MTA2: variants seen among roughly 807,000 people sequenced by gnomAD.
MTA2 encodes the protein metastasis-associated protein MTA2.
A neutral mutation model predicts 87.1 loss-of-function variants in MTA2; 22 were observed. The observed-to-expected ratio is 0.25, with a 90% confidence interval of 0.18 to 0.36. The LOEUF (loss-of-function observed/expected upper bound fraction) is 0.36, where lower values mean the gene tolerates loss of function less well. Ranked by LOEUF, MTA2 falls within the 10% of genes least tolerant of loss-of-function variation. MTA2 has a pLI of 1.00. For synonymous variants in MTA2, 314 were observed against 310.1 expected, an observed-to-expected ratio of 1.01 and a Z score of -0.13; for missense variants, 542 against 853.2, an observed-to-expected ratio of 0.64 and a Z score of 4.54.
chr11:62,593,491 C>T lies in MTA2; in HGVS notation c.*384G>A, dbSNP rs60928821. 0.024 allele frequency: 3,888 copies of T among 158,760 alleles called. 176 individuals carry two copies. Among genetic ancestry groups the T allele is most frequent in the African/African-American group, 0.089 (3,646 of 40,854 alleles). The allele number at this position is 158,760 out of a possible 1,614,324, so 9.8% of individuals were successfully genotyped here. A position where few individuals can be genotyped will look rare whatever the true frequency, so the allele number is the denominator to read the frequency against. ...AGACATGGCAGTGCACGCCCCCCTC[C>T]CCCAACCAGGTACCACCACCTGTTA... On this transcript the variant is annotated 3_prime_UTR_variant, in exon 18 of 18. Transcript: ENST00000278823.
chr11:62,595,934 A>G lies in MTA2; in HGVS notation c.1115-43T>C, dbSNP rs1942092709. ...GAGGGGGACAGGGAAGAAGCATACT[A>G]CCTAAGCCCCTCAGATTCTTGAGCC... On this transcript the variant is annotated intron_variant, in intron 12 of 17. Transcript: ENST00000278823. The surrounding 1 kb of genome is among the most constrained non-coding windows in gnomAD (Gnocchi z 4.9). 1 of 1,613,826 alleles carries G rather than the reference A, an allele frequency of 6.2e-7. No homozygotes were observed. Among genetic ancestry groups the G allele is most frequent in the Non-Finnish European group, 8.5e-7 (1 of 1,179,970 alleles).
rs578054510 is a variant in MTA2 at position 62,593,913 on chromosome 11, G to C, written c.1969C>G (p.Pro657Ala). 1.2e-6 allele frequency: 2 copies of C among 1,614,198 alleles called. No individual in the cohort carries two copies. The highest frequency in any genetic ancestry group is 8.5e-7 in the Non-Finnish European group (1 of 1,180,034). Residue 657 changes from proline (P) to alanine (A), a missense_variant, in exon 18 of 18, where the codon CCT becomes GCT. Pro to Ala is a conservative substitution (Grantham distance 27). Transcript: ENST00000278823. Reference sequence around the variant, plus strand: ...ACAATAGGCTCATTGGTGCTGGCAGGATGTGAGGGTGCAGGTAGAGGGACA... The same window carrying C: ...ACAATAGGCTCATTGGTGCTGGCAGCATGTGAGGGTGCAGGTAGAGGGACA... ...PPVPLPAPSH[P>A]ASTNEPIVLE...
At chr11:62,596,581 C>T in intron 9 of MTA2, 49 bp from the exon 10 acceptor site, 3 of 1,612,490 alleles carry the variant, frequency 1.9e-6, no homozygotes, top group South Asian at 1.1e-5. Context: ...GGCCCCAGGT[C>T]CTGGTTCCCT....
At chr11:62,596,859 A>T in intron 8 of MTA2, 34 bp from the exon 9 acceptor site, 2 of 1,567,488 alleles carry the variant, frequency 1.3e-6, no homozygotes, top group Non-Finnish European at 1.7e-6. Context: ...TGAGGACCTG[A>T]AACTTTTGGC....
chr11:62,593,944 C>A lies in MTA2; in HGVS notation c.1938G>T (p.Arg646=). The A allele has an allele frequency of 6.2e-7, 1 of 1,614,156 alleles. No homozygotes were observed. Among genetic ancestry groups the A allele is most frequent in the South Asian group, 1.1e-5 (1 of 91,078 alleles). The change falls in exon 18 of 18, where the codon CGG becomes CGT. Residue 646 remains arginine, a synonymous_variant. Transcript: ENST00000278823. The part of the protein sequence containing the change: ...LKVKPTLIAV[R]PPVPLPAPSH... Reference sequence around the variant, plus strand: ...AGGGTGCAGGTAGAGGGACAGGGGGCCGCACTGCAATCAGCGTTGGCTTCA... The same window carrying A: ...AGGGTGCAGGTAGAGGGACAGGGGGACGCACTGCAATCAGCGTTGGCTTCA...
chr11:62,596,954 C>G (rs551570243), intron 8 of MTA2, 129 bp from the exon 9 acceptor site: 14 of 851,772 alleles, frequency 1.6e-5, no homozygotes, highest in Admixed American at 2.9e-5. Context: ...CTTTGGGAAG[C>G]GGAGGCGGGC....
intron 1 of MTA2, chr11:62,601,193 C>G (rs1031166306): frequency 1.8e-6 from 1 of 567,234 alleles, no homozygotes; most frequent in African/African-American, 2.0e-5. Flanking sequence ...CTGACGCAGC[C>G]CCGAAAGTGC....
In MTA2 at chr11:62,593,783, C is replaced by T. The variant is rs996205995; in HGVS notation, c.*92G>A. On this transcript the variant is annotated 3_prime_UTR_variant, in exon 18 of 18. Coordinates refer to ENST00000278823, the MANE Select transcript of MTA2 (RefSeq NM_004739.4). ...ACTTGCTCTCTTCCTTAATTCACTC[C>T]TCACTCCCTTCGACACGAAAGGGAA... 3 of 1,507,028 alleles carry T rather than the reference C, an allele frequency of 2.0e-6. No individual in the cohort carries two copies. The highest frequency in any genetic ancestry group is 1.4e-5 in the African/African-American group (1 of 72,534). The allele number at this position is 1,507,028 out of a possible 1,614,324, so 93.4% of individuals were successfully genotyped here. A position where few individuals can be genotyped will look rare whatever the true frequency, so the allele number is the denominator to read the frequency against.
At position 62,598,523 on chromosome 11, in the gene MTA2, G is replaced by A. The variant is rs1302534267; in HGVS notation, c.307C>T (p.Arg103Trp). Reference sequence around the variant, plus strand: ...ATGCTGGCCCCAGTTGTCCTGTACCGTATGTGGGTGGCTGGTAATGATTCA... The same window carrying A: ...ATGCTGGCCCCAGTTGTCCTGTACCATATGTGGGTGGCTGGTAATGATTCA... The part of the protein sequence containing the change: ...QFESLPATHI[R>W]GKCSVTLLNE... The change falls in exon 4 of 18, where the codon CGG (arginine) becomes TGG (tryptophan). Residue 103 changes from arginine to tryptophan, a missense_variant and splice_region_variant. Physicochemically the swap from Arg to Trp is moderately radical, Grantham distance 101. This residue lies in a region of MTA2 where 150 missense variants were observed against 243.9 expected (regional missense o/e 0.62). Coordinates refer to ENST00000278823, the MANE Select transcript of MTA2 (RefSeq NM_004739.4). 2 of 1,613,634 alleles carry A rather than the reference G, an allele frequency of 1.2e-6. No homozygotes were observed. Among genetic ancestry groups the A allele is most frequent in the African/African-American group, 1.3e-5 (1 of 74,874 alleles).
In MTA2 at chr11:62,596,517, G is replaced by A; in HGVS notation, c.898C>T (p.Leu300Phe). ...TAATAAAACTGGACTATGCTGGCAA[G>A]TGACTTCCAGGGTAGCTAAGGGGGG... ...IRQDFLPWKS[L>F]ASIVQFYYMW... Residue 300 changes from leucine (L) to phenylalanine (F), a missense_variant, in exon 10 of 18, where the codon CTT (leucine) becomes TTT (phenylalanine). Transcript: ENST00000278823. The A allele has an allele frequency of 6.2e-7, 1 of 1,614,200 alleles. No homozygotes were observed. Among genetic ancestry groups the A allele is most frequent in the Non-Finnish European group, 8.5e-7 (1 of 1,180,022 alleles).
rs1242327347 is a variant in MTA2 at position 62,598,565 on chromosome 11, A to G, written c.265T>C (p.Phe89Leu). 1.9e-6 allele frequency: 3 copies of G among 1,614,050 alleles called. No individual in the cohort carries two copies. The highest frequency in any genetic ancestry group is 2.5e-6 in the Non-Finnish European group (3 of 1,180,046). Residue 89 changes from phenylalanine to leucine, a missense_variant, in exon 4 of 18, where the codon TTT becomes CTT. By Grantham distance (22) the Phe-to-Leu change is conservative (BLOSUM62 0). Transcript: ENST00000278823. ...AATGATTCAAATTGCCGAGAAAGAAAAAGTTCCCGGTGCTTCAGTTGATGG... is the reference window on the plus strand; with the variant it reads ...AATGATTCAAATTGCCGAGAAAGAAGAAGTTCCCGGTGCTTCAGTTGATGG... Reference protein sequence around the residue: ...QRHQLKHRELFLSRQFESLPA... With the variant: ...QRHQLKHRELLLSRQFESLPA...
Position 62,595,661 on chromosome 11 carries a change from CAT to C in MTA2, c.1254+89_1254+90del. Reference sequence around the variant, plus strand: ...AGCACCCCGTCCATCAAACCATCACCATATAAAGAGTTGAATATTCTGGCCTT... The same window carrying C: ...AGCACCCCGTCCATCAAACCATCACCATAAAGAGTTGAATATTCTGGCCTT... On this transcript the variant is annotated intron_variant, in intron 13 of 17. Transcript: ENST00000278823. The surrounding 1 kb of genome is among the most constrained non-coding windows in gnomAD (Gnocchi z 4.9). 1 of 1,567,952 alleles carries C rather than the reference CAT, an allele frequency of 6.4e-7. No individual in the cohort carries two copies. The highest frequency in any genetic ancestry group is 8.7e-7 in the Non-Finnish European group (1 of 1,152,220).
At chr11:62,600,791 G>C in intron 1 of MTA2, 102 bp from the exon 2 acceptor site, 1 of 980,166 alleles carries the variant, frequency 1.0e-6, no homozygotes. Context: ...ATCAAAAGGA[G>C]ATAAGGATTC....
At chr11:62,597,918 G>A in intron 6 of MTA2, 106 bp downstream of exon 6, 1 of 1,109,836 alleles carries the variant, frequency 9.0e-7, no homozygotes, top group Non-Finnish European at 1.4e-6. Flanking sequence ...CCTGCAGACA[G>A]TGCACTGCAC....
intron 3 of MTA2, among the ~76,000 whole-genome samples, chr11:62,599,887 A>C (rs2134327203): frequency 6.6e-6 from 1 of 152,292 alleles, no homozygotes; most frequent in East Asian, 1.9e-4. Flanking sequence ...CCCCCTTTAG[A>C]AAACCATTGT....
In MTA2 at chr11:62,595,700, A is replaced by C. The variant is rs1942089081; in HGVS notation, c.1254+52T>G. The C allele has an allele frequency of 1.2e-6, 2 of 1,603,532 alleles. No homozygotes were observed. Among genetic ancestry groups the C allele is most frequent in the Non-Finnish European group, 1.7e-6 (2 of 1,173,754 alleles). On this transcript the variant is annotated intron_variant, in intron 13 of 17. Transcript: ENST00000278823. The surrounding 1 kb of genome is among the most constrained non-coding windows in gnomAD (Gnocchi z 4.9). Reference sequence around the variant, plus strand: ...AATATTCTGGCCTTCACCTAAGCTCACCATCAATATGCTTACTGCTCTCCC... The same window carrying C: ...AATATTCTGGCCTTCACCTAAGCTCCCCATCAATATGCTTACTGCTCTCCC...
Position 62,595,853 on chromosome 11 carries a change from T to C in MTA2, c.1153A>G (p.Asn385Asp). 1 of 1,614,202 alleles carries C rather than the reference T, an allele frequency of 6.2e-7. No homozygotes were observed. The highest frequency in any genetic ancestry group is 8.5e-7 in the Non-Finnish European group (1 of 1,180,036). The change falls in exon 13 of 18, where the codon AAC becomes GAC. Residue 385 changes from asparagine (N) to aspartate (D), a missense_variant. Physicochemically the swap from Asn to Asp is conservative, Grantham distance 23. Around this residue, in one of 6 missense-constraint regions of MTA2, gnomAD observed 46 missense variants for 109.1 expected, o/e 0.42. Transcript: ENST00000278823. The surrounding 1 kb of genome is among the most constrained non-coding windows in gnomAD (Gnocchi z 4.9). ...SAQWYAWGPP[N>D]MQCRLCASCW... ...GAAGCACAGAGGCGGCACTGCATGT[T>C]AGGTGGGCCCCAGGCATACCACTGA...
chr11:62,599,928 G>C (rs1459143037), intron 3 of MTA2, among the ~76,000 whole-genome samples: 1 of 152,142 alleles, frequency 6.6e-6, no homozygotes, highest in Non-Finnish European at 1.5e-5. Context: ...TACTCTAAAT[G>C]TTATCATCTC....
rs1942204398 is a variant in MTA2, at chr11:62,601,647, C to T, written c.-197G>A. 2 of 588,422 alleles carry T rather than the reference C, an allele frequency of 3.4e-6. No homozygotes were observed. The highest frequency in any genetic ancestry group is 5.7e-6 in the Non-Finnish European group (2 of 350,468). 36.5% of individuals were successfully genotyped at this position (588,422 alleles called of 1,614,324 possible). ...CGCGCTGTCGCCGCCGCAGCTATCGCCTCACTCCCGGGACGCTGAGGCTGG... is the reference window on the plus strand; with the variant it reads ...CGCGCTGTCGCCGCCGCAGCTATCGTCTCACTCCCGGGACGCTGAGGCTGG... On this transcript the variant is annotated 5_prime_UTR_variant, in exon 1 of 18. Coordinates refer to ENST00000278823, the MANE Select transcript of MTA2 (RefSeq NM_004739.4).
Sources: gnomAD v4.1 joint callset for allele counts (sites outside exome capture counted in the v4.1 genomes callset) on GRCh38, gnomAD v4.1.1 for gene constraint, gnomAD v4.1.1 regional missense constraint, Gnocchi (gnomAD v3.1) non-coding constraint, MANE v1.5 for transcripts, NCBI Gene and HGNC (gene_info 2026-07-23, HGNC 2026-07-21) for gene names.